ADARB1: variants seen among roughly 807,000 people sequenced by gnomAD.
ADARB1 encodes the protein double-stranded RNA-specific editase 1.
A neutral mutation model predicts 52.4 loss-of-function variants in ADARB1; 10 were observed. That is an observed-to-expected ratio of 0.19 (90% CI 0.12 to 0.32). The LOEUF (loss-of-function observed/expected upper bound fraction) is 0.32, where lower values mean the gene tolerates loss of function less well. ADARB1 is among the 10% of genes least tolerant of loss of function. The probability of loss-of-function intolerance (pLI) is 1.00; values close to 1 mark genes in which losing one functional copy is unlikely to be tolerated. For missense variants in ADARB1, 643 were observed against 922.3 expected, an observed-to-expected ratio of 0.70 and a Z score of 3.92; for synonymous variants, 349 against 371.1, an observed-to-expected ratio of 0.94 and a Z score of 0.68.
intron 2 of ADARB1, among the ~76,000 whole-genome samples, chr21:45,150,364 CAA>C (rs1245908475): frequency 1.3e-5 from 2 of 151,952 alleles, no homozygotes; most frequent in Non-Finnish European, 2.9e-5. Flanking sequence ...AAGGAAATAA[CAA>C]AGCAAAAATT....
At chr21:45,189,011 T>C (rs1440789648) in intron 8 of ADARB1, among the ~76,000 whole-genome samples, 1 of 152,204 alleles carries the variant, frequency 6.6e-6, no homozygotes, top group African/African-American at 2.4e-5. Context: ...CTCCCCTTTA[T>C]AAAATCATCA....
In ADARB1 at chr21:45,123,620, A is replaced by C. The variant is rs866810437; in HGVS notation, c.-219-4782A>C. Among the ~76,000 whole-genome samples, 4 of 151,682 alleles carry C rather than the reference A, an allele frequency of 2.6e-5. No individual in the cohort carries two copies. The South Asian group carries it at 8.3e-4, about 32-fold the overall frequency. On this transcript the variant is annotated intron_variant, in intron 1 of 10. Transcript: ENST00000348831. ...GTGCTGGCCTTTTTGTTTGTTTTTG[A>C]GACAGTGTCTCACTCTGTCACTCAG...
chr21:45,158,219 A>T (rs1280552258), intron 2 of ADARB1, among the ~76,000 whole-genome samples: 2 of 149,780 alleles, frequency 1.3e-5, no homozygotes, highest in Non-Finnish European at 3.0e-5. Flanking sequence ...CATTCTCCAG[A>T]CCCTGATTCT....
chr21:45,162,466 G>A lies in ADARB1; in HGVS notation c.-47-9144G>A, dbSNP rs577542198. ...AGGCTGGAAGTGTGAGCCGAGCGCA[G>A]CCTGCCAGGCTGTGTGGGCAGAATG... On this transcript the variant is annotated intron_variant, in intron 2 of 10. Transcript: ENST00000348831. Among the ~76,000 whole-genome samples the A allele has an allele frequency of 2.2e-4, 34 of 152,278 alleles. No homozygotes were observed. The South Asian group carries it at 6.8e-3, about 31-fold the overall frequency.
chr21:45,165,915 T>A (rs1248484377), intron 2 of ADARB1, among the ~76,000 whole-genome samples: 1 of 152,104 alleles, frequency 6.6e-6, no homozygotes, highest in Non-Finnish European at 1.5e-5. Context: ...CTCAAAGCTA[T>A]CCATTTTTGA....
In ADARB1 at chr21:45,077,653, C is replaced by T. The variant is rs539886721; in HGVS notation, c.-220+2860C>T. On this transcript the variant is annotated intron_variant, in intron 1 of 10. Coordinates refer to ENST00000348831, the MANE Select transcript of ADARB1 (RefSeq NM_001112.4). ...TTGCACTCCAGCCTGGGCAACAGAG[C>T]GAGACGCCGTCTAAAAAAAAAAAAA... is the stretch of plus-strand genomic sequence containing the variant. Among the ~76,000 whole-genome samples, 8 of 149,694 alleles carry T rather than the reference C, an allele frequency of 5.3e-5. No individual in the cohort carries two copies. The South Asian group carries it at 8.4e-4, about 16-fold the overall frequency.
chr21:45,159,580 CCTTA>C (rs1337552059), intron 2 of ADARB1, among the ~76,000 whole-genome samples: 5 of 152,290 alleles, frequency 3.3e-5, no homozygotes, highest in Admixed American at 1.3e-4. Flanking sequence ...CTCAGTAATG[CCTTA>C]CTTCTGCCTT....
rs2092532578 is a variant in ADARB1, at chr21:45,200,610, T to C, written c.1566-3945T>C. Among the ~76,000 whole-genome samples, 1 of 151,898 alleles carries C rather than the reference T, an allele frequency of 6.6e-6. No homozygotes were observed. Among genetic ancestry groups the C allele is most frequent in the Non-Finnish European group, 1.5e-5 (1 of 67,962 alleles). ...TAGGGAAAGGGGGAGGCTTTGGGTA[T>C]GTTCTGATGGAGGTAGGGGAAGCCA... is the stretch of plus-strand genomic sequence containing the variant. On this transcript the variant is annotated intron_variant, in intron 8 of 10. Transcript: ENST00000348831. This position sits in a 1 kb window ranked among gnomAD's most constrained non-coding sequence, Gnocchi z 5.0.
At chr21:45,135,581 T>C (rs1052753539) in intron 2 of ADARB1, among the ~76,000 whole-genome samples, 1 of 152,188 alleles carries the variant, frequency 6.6e-6, no homozygotes, top group African/African-American at 2.4e-5. Context: ...GAGCGGTAGA[T>C]AGACAGAGTA....
At chr21:45,175,673 G>T (rs1387407656) in intron 3 of ADARB1, 57 bp from the exon 4 acceptor site, 5 of 1,543,194 alleles carry the variant, frequency 3.2e-6, no homozygotes, top group Non-Finnish European at 1.8e-6. Flanking sequence ...TATAAATTTT[G>T]CATTTACAAG....
rs1170600494 is a variant in ADARB1, at chr21:45,142,300, C to T, written c.-48+13727C>T. Among the ~76,000 whole-genome samples the T allele has an allele frequency of 6.6e-6, 1 of 152,178 alleles. No individual in the cohort carries two copies. The highest frequency in any genetic ancestry group is 2.4e-5 in the African/African-American group (1 of 41,432). ...GAAGTGTAGACTTTGATTTTTAACCCTAAGTTGCATGGTAAAGTCACCTTT... is the reference window on the plus strand; with the variant it reads ...GAAGTGTAGACTTTGATTTTTAACCTTAAGTTGCATGGTAAAGTCACCTTT... On this transcript the variant is annotated intron_variant, in intron 2 of 10. Transcript: ENST00000348831. This position sits in a 1 kb window ranked among gnomAD's most constrained non-coding sequence, Gnocchi z 4.0.
chr21:45,193,483 A>T (rs2092351472), intron 8 of ADARB1, among the ~76,000 whole-genome samples: 1 of 116,134 alleles, frequency 8.6e-6, no homozygotes, highest in South Asian at 3.0e-4. Flanking sequence ...CAGGAACAAA[A>T]CAAGATTGTC....
chr21:45,138,614 C>T (rs1225415357), intron 2 of ADARB1, among the ~76,000 whole-genome samples: 1 of 152,152 alleles, frequency 6.6e-6, no homozygotes, highest in African/African-American at 2.4e-5. Flanking sequence ...TGTCTTTCTC[C>T]TTGGCAAGAA....
intron 1 of ADARB1, among the ~76,000 whole-genome samples, chr21:45,076,835 T>C (rs914434008): frequency 6.6e-6 from 1 of 152,272 alleles, no homozygotes; most frequent in Non-Finnish European, 1.5e-5. Flanking sequence ...TGGCCTGTTA[T>C]GTGCTAGGCC....
chr21:45,171,958 T>A (rs762244318), intron 3 of ADARB1, among the ~76,000 whole-genome samples: 2 of 152,180 alleles, frequency 1.3e-5, no homozygotes, highest in African/African-American at 2.4e-5. Context: ...CCCCACTGTT[T>A]CATGTGGAGT....
intron 8 of ADARB1, among the ~76,000 whole-genome samples, chr21:45,189,539 A>T (rs1601857246): frequency 6.6e-6 from 1 of 152,198 alleles, no homozygotes; most frequent in East Asian, 1.9e-4. Flanking sequence ...GGAGAACCTT[A>T]TTTTTCCATA....
chr21:45,210,117 T>A lies in ADARB1; in HGVS notation c.1747+5381T>A, dbSNP rs187089312. Among the ~76,000 whole-genome samples, 21 of 152,336 alleles carry A rather than the reference T, an allele frequency of 1.4e-4. No homozygotes were observed. In the South Asian group the frequency reaches 1.7e-3, roughly 12 times the overall value. ...TCTCCTTTCTGGGAGAGTGACTCCA[T>A]TTGGGGCTCGTCATCTCTGTTGGGT... On this transcript the variant is annotated intron_variant, in intron 9 of 10. Transcript: ENST00000348831.
intron 1 of ADARB1, among the ~76,000 whole-genome samples, chr21:45,092,164 CTT>C (rs2086585088): frequency 6.6e-6 from 1 of 152,120 alleles, no homozygotes; most frequent in Non-Finnish European, 1.5e-5. Context: ...GTATGGGTCA[CTT>C]CGCTCCTGGG....
At chr21:45,082,737 C>G (rs760082903) in intron 1 of ADARB1, among the ~76,000 whole-genome samples, 14 of 152,312 alleles carry the variant, frequency 9.2e-5, no homozygotes, top group Non-Finnish European at 1.6e-4. Context: ...TAGGATGTTG[C>G]TATTAAGGGT....
Sources: allele counts gnomAD v4.1 joint callset (sites outside exome capture counted in the v4.1 genomes callset), GRCh38; gene constraint gnomAD v4.1.1; non-coding constraint Gnocchi (gnomAD v3.1); transcripts MANE v1.5; gene names NCBI Gene and HGNC (gene_info 2026-07-23, HGNC 2026-07-21).